CSMD3: variants seen among roughly 807,000 people sequenced by gnomAD.
CSMD3 encodes CUB and Sushi multiple domains 3.
Under a neutral mutation model 435.2 loss-of-function variants are expected in CSMD3, and 177 were observed. That is an observed-to-expected ratio of 0.41 (90% CI 0.36 to 0.46). The LOEUF is 0.46. Among genes scored for constraint, CSMD3 ranks in the 20% least tolerant of loss-of-function variants. The pLI, the probability that CSMD3 is intolerant of heterozygous loss-of-function variation, is 0.34. For synonymous variants in CSMD3, 1,656 were observed against 1,520.5 expected, an observed-to-expected ratio of 1.09 and a Z score of -2.07; for missense variants, 4,265 against 4,504.6, an observed-to-expected ratio of 0.95 and a Z score of 1.52.
intron 16 of CSMD3, among the ~76,000 whole-genome samples, chr8:112,679,958 C>T (rs1159018069): frequency 6.6e-6 from 1 of 152,212 alleles, no homozygotes; most frequent in Non-Finnish European, 1.5e-5. Flanking sequence ...AGTCATTCAT[C>T]AGATCCAACT....
chr8:113,236,526 C>G (rs553468853), intron 3 of CSMD3, among the ~76,000 whole-genome samples: 12 of 152,204 alleles, frequency 7.9e-5, no homozygotes, highest in African/African-American at 2.9e-4. Context: ...CTCTCTATCT[C>G]TCTCTCCTGT....
At chr8:112,865,097 T>G (rs950004156) in intron 10 of CSMD3, among the ~76,000 whole-genome samples, 1 of 152,178 alleles carries the variant, frequency 6.6e-6, no homozygotes, top group Non-Finnish European at 1.5e-5. Context: ...TGTCTACCAA[T>G]GTATTCCTAT....
In CSMD3 at chr8:112,545,322, A is replaced by C. The variant is rs140962584; in HGVS notation, c.4564+5349T>G. Reference sequence around the variant, plus strand: ...CATGGTGAAACCCCGTCTCTACTAAAAATATAGAAAATTATCTGGGCCTGG... The same window carrying C: ...CATGGTGAAACCCCGTCTCTACTAACAATATAGAAAATTATCTGGGCCTGG... On this transcript the variant is annotated intron_variant, in intron 27 of 70. Coordinates refer to ENST00000297405, the MANE Select transcript of CSMD3 (RefSeq NM_198123.2). Among the ~76,000 whole-genome samples, 44 of 151,666 alleles carry C rather than the reference A, an allele frequency of 2.9e-4. 2 individuals carry two copies. In the East Asian group the frequency reaches 8.2e-3, roughly 28 times the overall value.
At chr8:112,428,981 T>A (rs1237150778) in intron 32 of CSMD3, among the ~76,000 whole-genome samples, 1 of 152,152 alleles carries the variant, frequency 6.6e-6, no homozygotes, top group East Asian at 1.9e-4. Flanking sequence ...TTACATGAAT[T>A]GTGGAATTGT....
intron 4 of CSMD3, among the ~76,000 whole-genome samples, chr8:113,155,624 A>C (rs1044869610): frequency 1.3e-5 from 2 of 152,078 alleles, no homozygotes; most frequent in African/African-American, 4.8e-5. Flanking sequence ...TTGGAAAAAC[A>C]AATCTATATA....
chr8:112,745,767 A>T (rs1244692253), intron 13 of CSMD3, among the ~76,000 whole-genome samples: 1 of 151,998 alleles, frequency 6.6e-6, no homozygotes, highest in African/African-American at 2.4e-5. Flanking sequence ...TATGACTATA[A>T]TGCTTACTAA....
intron 60 of CSMD3, among the ~76,000 whole-genome samples, chr8:112,264,702 T>C (rs1816767903): frequency 6.6e-6 from 1 of 152,094 alleles, no homozygotes; most frequent in Admixed American, 6.6e-5. Flanking sequence ...TTTTGTTAGA[T>C]TATAAGTCAG....
chr8:112,287,784 AG>A (rs1819360687), intron 57 of CSMD3, among the ~76,000 whole-genome samples: 1 of 152,156 alleles, frequency 6.6e-6, no homozygotes, highest in Admixed American at 6.6e-5. Flanking sequence ...CAATGATCAA[AG>A]ATGAATGAAC....
intron 7 of CSMD3, among the ~76,000 whole-genome samples, chr8:112,973,605 T>C (rs1302472384): frequency 1.3e-5 from 2 of 151,898 alleles, no homozygotes; most frequent in Non-Finnish European, 2.9e-5. Context: ...CATTTCCAGT[T>C]TAGAAATTTG....
intron 32 of CSMD3, among the ~76,000 whole-genome samples, chr8:112,422,848 C>T (rs1421500942): frequency 2.0e-5 from 3 of 152,050 alleles, no homozygotes; most frequent in African/African-American, 7.2e-5. Context: ...AACAAGTAAC[C>T]TTAATAGAAA....
intron 13 of CSMD3, among the ~76,000 whole-genome samples, chr8:112,747,362 A>G (rs2077456821): frequency 6.6e-6 from 1 of 151,898 alleles, no homozygotes; most frequent in Non-Finnish European, 1.5e-5. Context: ...AGTTAAGTGT[A>G]TAATCAATAA....
chr8:112,984,257 T>C (rs764178184), intron 6 of CSMD3, among the ~76,000 whole-genome samples: 12 of 151,940 alleles, frequency 7.9e-5, no homozygotes, highest in Non-Finnish European at 1.3e-4. Context: ...GCTAATTTCC[T>C]TTACACAAAT....
chr8:112,980,221 A>G (rs2084999662), intron 6 of CSMD3, among the ~76,000 whole-genome samples: 1 of 150,756 alleles, frequency 6.6e-6, no homozygotes, highest in Non-Finnish European at 1.5e-5. Context: ...ATTATTCTCT[A>G]ACTCATTACC....
intron 8 of CSMD3, 120 bp from the exon 9 acceptor site, chr8:112,947,997 A>G (rs2083675605): frequency 1.7e-6 from 1 of 587,216 alleles, no homozygotes; most frequent in Non-Finnish European, 3.0e-6. Flanking sequence ...AATCACTGTC[A>G]TTTAAGCATT....
At chr8:112,382,708 G>A (rs934339679) in intron 37 of CSMD3, among the ~76,000 whole-genome samples, 1 of 152,116 alleles carries the variant, frequency 6.6e-6, no homozygotes, top group Non-Finnish European at 1.5e-5. Flanking sequence ...CAATAAATCT[G>A]GCTGGGTGTT....
intron 38 of CSMD3, among the ~76,000 whole-genome samples, chr8:112,369,348 CT>C (rs1166611888): frequency 6.6e-6 from 1 of 152,004 alleles, no homozygotes; most frequent in Non-Finnish European, 1.5e-5. Flanking sequence ...ATTTTTCTTA[CT>C]CTAAAAAATA....
intron 32 of CSMD3, among the ~76,000 whole-genome samples, chr8:112,440,340 T>C (rs181502819): frequency 1.1e-4 from 17 of 152,276 alleles, no homozygotes; most frequent in African/African-American, 3.8e-4. Flanking sequence ...TGGATTCCCA[T>C]ATCCCTGGGC....
intron 10 of CSMD3, among the ~76,000 whole-genome samples, chr8:112,904,831 C>A (rs540439111): frequency 6.6e-6 from 1 of 151,176 alleles, no homozygotes; most frequent in African/African-American, 2.4e-5. Flanking sequence ...AGATTTGGGA[C>A]AAGTGCAAAG....
rs181590543 is a variant in CSMD3, at chr8:113,216,158, A to T, written c.515-42242T>A. On this transcript the variant is annotated intron_variant, in intron 3 of 70. Coordinates refer to ENST00000297405, the MANE Select transcript of CSMD3 (RefSeq NM_198123.2). ...ATATGTTTTGTGATTTCAAAAATCT[A>T]AAAAAAATCCATAAGAAATAATTAC... 3.6e-3 allele frequency among the ~76,000 whole-genome samples: 540 copies of T among 151,788 alleles called. 15 individuals carry two copies. The highest frequency in any genetic ancestry group is 0.032 in the Admixed American group (493 of 15,174).
Sources: allele counts gnomAD v4.1 joint callset (sites outside exome capture counted in the v4.1 genomes callset), GRCh38; gene constraint gnomAD v4.1.1; transcripts MANE v1.5; gene names NCBI Gene and HGNC (gene_info 2026-07-23, HGNC 2026-07-21).